CNTNAP2: variants seen among roughly 807,000 people sequenced by gnomAD.
CNTNAP2 encodes the protein contactin-associated protein-like 2.
In CNTNAP2, 98 loss-of-function variants were observed where a neutral mutation model predicts 155.2. The ratio of observed to expected loss-of-function variants is 0.63; its 90% CI spans 0.54 to 0.75. CNTNAP2 has a LOEUF of 0.75. Among genes scored for constraint, CNTNAP2 ranks in the 30% least tolerant of loss-of-function variants. CNTNAP2 has a pLI of 0.00. For synonymous variants in CNTNAP2, 651 were observed against 631.2 expected (o/e 1.03, Z -0.47); for missense variants, 1,727 against 1,688.1 (o/e 1.02, Z -0.40).
chr7:146,343,098 T>G (rs1417753614), intron 1 of CNTNAP2, among the ~76,000 whole-genome samples: 1 of 152,164 alleles, frequency 6.6e-6, no homozygotes, highest in Admixed American at 6.6e-5. Context: ...TTTGTTTGTT[T>G]TTTGTTTTCT....
intron 1 of CNTNAP2, among the ~76,000 whole-genome samples, chr7:146,417,879 C>CAT (rs933766064): frequency 6.6e-6 from 1 of 152,064 alleles, no homozygotes; most frequent in Non-Finnish European, 1.5e-5. Context: ...ATTCATTTAA[C>CAT]ATATATATGT....
intron 10 of CNTNAP2, among the ~76,000 whole-genome samples, chr7:147,461,699 T>C (rs987618405): frequency 1.3e-5 from 2 of 152,220 alleles, no homozygotes; most frequent in Admixed American, 6.5e-5. Context: ...GTTTTTTGTT[T>C]GTTTGTTTCT....
At chr7:146,885,483 G>T (rs1795637149) in intron 3 of CNTNAP2, among the ~76,000 whole-genome samples, 1 of 152,090 alleles carries the variant, frequency 6.6e-6, no homozygotes, top group Admixed American at 6.6e-5. Context: ...TATAGCTGAT[G>T]TAAAAATGCA....
chr7:148,231,903 G>A (rs2116782940), intron 20 of CNTNAP2, among the ~76,000 whole-genome samples: 1 of 152,326 alleles, frequency 6.6e-6, no homozygotes, highest in African/African-American at 2.4e-5. Context: ...GACGACAGGA[G>A]TGAAAATTTT....
chr7:147,531,036 T>G (rs970138212), intron 11 of CNTNAP2, among the ~76,000 whole-genome samples: 1 of 152,184 alleles, frequency 6.6e-6, no homozygotes, highest in African/African-American at 2.4e-5. Context: ...AGCTCCAAAA[T>G]GATCTCCTTT....
intron 15 of CNTNAP2, among the ~76,000 whole-genome samples, chr7:148,080,341 C>T (rs557629289): frequency 6.6e-6 from 1 of 152,192 alleles, no homozygotes; most frequent in Non-Finnish European, 1.5e-5. Flanking sequence ...CACGGTGGCT[C>T]AAGCCTGTAA....
chr7:146,486,289 C>T (rs1347907653), intron 1 of CNTNAP2, among the ~76,000 whole-genome samples: 1 of 151,922 alleles, frequency 6.6e-6, no homozygotes, highest in East Asian at 1.9e-4. Context: ...TGGTCTCGAT[C>T]TCCTGACCTC....
intron 3 of CNTNAP2, among the ~76,000 whole-genome samples, chr7:146,840,291 G>C (rs1018404648): frequency 6.6e-6 from 1 of 152,148 alleles, no homozygotes; most frequent in Non-Finnish European, 1.5e-5. Context: ...AGAGAAGTAA[G>C]AGCAGTGATA....
At chr7:147,549,033 T>C (rs371926955) in intron 11 of CNTNAP2, among the ~76,000 whole-genome samples, 2 of 152,214 alleles carry the variant, frequency 1.3e-5, no homozygotes, top group Non-Finnish European at 2.9e-5. Context: ...TGAAGTCAGA[T>C]AGCATGATGC....
chr7:147,970,493 G>C (rs1232066672), intron 14 of CNTNAP2, among the ~76,000 whole-genome samples: 1 of 152,142 alleles, frequency 6.6e-6, no homozygotes, highest in Non-Finnish European at 1.5e-5. Flanking sequence ...GGGAGGTCAA[G>C]GTGCGCAGAT....
intron 1 of CNTNAP2, among the ~76,000 whole-genome samples, chr7:146,574,457 C>T (rs1055111993): frequency 6.6e-6 from 1 of 152,144 alleles, no homozygotes; most frequent in African/African-American, 2.4e-5. Flanking sequence ...AATCCCAGCA[C>T]TTTGGGAGGC....
At chr7:147,441,865 C>T (rs528610544) in intron 10 of CNTNAP2, among the ~76,000 whole-genome samples, 47 of 129,370 alleles carry the variant, frequency 3.6e-4, no homozygotes, top group East Asian at 7.2e-4. Flanking sequence ...CCCTCCCTCC[C>T]TCCCTCCCTC....
intron 1 of CNTNAP2, among the ~76,000 whole-genome samples, chr7:146,711,681 A>T (rs1038865386): frequency 1.3e-5 from 2 of 148,640 alleles, no homozygotes; most frequent in African/African-American, 4.9e-5. Flanking sequence ...TATATATCTC[A>T]TTATATATAC....
chr7:147,266,021 A>C (rs1804599556), intron 8 of CNTNAP2, among the ~76,000 whole-genome samples: 1 of 152,088 alleles, frequency 6.6e-6, no homozygotes, highest in Non-Finnish European at 1.5e-5. Flanking sequence ...AGACAAACTC[A>C]TGAAGATGAG....
At chr7:147,873,108 TAGAC>T (rs1349007704) in intron 13 of CNTNAP2, among the ~76,000 whole-genome samples, 4 of 152,158 alleles carry the variant, frequency 2.6e-5, no homozygotes, top group African/African-American at 9.7e-5. Context: ...TCTATCCTGA[TAGAC>T]AGGAATAGGA....
chr7:146,981,033 G>A (rs953150635), intron 3 of CNTNAP2, among the ~76,000 whole-genome samples: 1 of 151,994 alleles, frequency 6.6e-6, no homozygotes, highest in Non-Finnish European at 1.5e-5. Flanking sequence ...TTATGCAAAG[G>A]AGCCAAAAAA....
chr7:146,962,438 T>C (rs1410047145), intron 3 of CNTNAP2, among the ~76,000 whole-genome samples: 1 of 152,196 alleles, frequency 6.6e-6, no homozygotes, highest in Non-Finnish European at 1.5e-5. Context: ...CCTAAGTTTA[T>C]CAGTAAGGGA....
In CNTNAP2 at chr7:147,679,341, C is replaced by A. The variant is rs1035868825; in HGVS notation, c.2098+40035C>A. Among the ~76,000 whole-genome samples, 4 of 152,000 alleles carry A rather than the reference C, an allele frequency of 2.6e-5. No homozygotes were observed. The South Asian group carries it at 6.2e-4, about 24-fold the overall frequency. ...ACTAAGGAAATAGTCTGCCAATCAT[C>A]TAAATAACACTTGTATTTTGATTTT... On this transcript the variant is annotated intron_variant, in intron 13 of 23. Transcript: ENST00000361727.
At chr7:147,828,524 T>C (rs895782369) in intron 13 of CNTNAP2, among the ~76,000 whole-genome samples, 4 of 152,178 alleles carry the variant, frequency 2.6e-5, no homozygotes, top group Non-Finnish European at 5.9e-5. Context: ...TCATGAGGCA[T>C]CAAACAATAA....
Sources: allele counts gnomAD v4.1 joint callset (sites outside exome capture counted in the v4.1 genomes callset), GRCh38; gene constraint gnomAD v4.1.1; transcripts MANE v1.5; gene names NCBI Gene and HGNC (gene_info 2026-07-23, HGNC 2026-07-21).